Variants in PAM observed in about 807,000 individuals in gnomAD.
PAM encodes peptidyl-glycine alpha-amidating monooxygenase.
PAM carries 72 observed loss-of-function variants against 122.1 expected under a neutral mutation model. That is an observed-to-expected ratio of 0.59 (90% CI 0.49 to 0.72). PAM has a LOEUF of 0.72. Among genes scored for constraint, PAM ranks in the 30% least tolerant of loss-of-function variants. The pLI is 0.00. For synonymous variants in PAM, 389 were observed against 404.4 expected, an observed-to-expected ratio of 0.96 and a Z score of 0.46; for missense variants, 1,106 against 1,183.7, an observed-to-expected ratio of 0.93 and a Z score of 0.96.
intron 1 of PAM, among the ~76,000 whole-genome samples, chr5:102,862,680 G>A (rs1222255776): frequency 1.3e-5 from 2 of 152,160 alleles, no homozygotes; most frequent in African/African-American, 4.8e-5. Flanking sequence ...AACAATAATA[G>A]GGAATATTTA....
At chr5:103,002,463 A>C (rs1582779172) in intron 16 of PAM, among the ~76,000 whole-genome samples, 1 of 152,040 alleles carries the variant, frequency 6.6e-6, no homozygotes, top group South Asian at 2.1e-4. Context: ...TTTTGTCTCG[A>C]GGATAGATTC....
chr5:103,028,263 C>T, intron 25 of PAM, 25 bp downstream of exon 25: 1 of 1,523,328 alleles, frequency 6.6e-7, no homozygotes, highest in Non-Finnish European at 9.1e-7. Context: ...TTTTAGAACC[C>T]TTCATGTTTG....
chr5:102,973,611 C>G (rs925489360), intron 14 of PAM, among the ~76,000 whole-genome samples: 1 of 152,028 alleles, frequency 6.6e-6, no homozygotes, highest in Non-Finnish European at 1.5e-5. Flanking sequence ...TTTAGGTTTC[C>G]CAGTTGTCAA....
At position 102,974,334 on chromosome 5, in the gene PAM, T is replaced by C; in HGVS notation, c.1381T>C (p.Phe461Leu). The change falls in exon 15 of 26, where the codon TTC becomes CTC. Residue 461 changes from phenylalanine to leucine, a missense_variant. Physicochemically the swap from Phe to Leu is conservative, Grantham distance 22 (BLOSUM62 0). Transcript: ENST00000438793. The stretch of plus-strand genomic sequence containing the variant: ...TCTTGTCAGAGACAGAATTCACAAA[T>C]TCCACAGACTAGTATCTACCTTGAG... ...AILVRDRIHK[F>L]HRLVSTLRPP... The C allele has an allele frequency of 6.2e-7, 1 of 1,613,900 alleles. No homozygotes were observed. Among genetic ancestry groups the C allele is most frequent in the Non-Finnish European group, 8.5e-7 (1 of 1,179,806 alleles).
chr5:103,005,034 G>A (rs1387371050), intron 17 of PAM, 120 bp from the exon 18 acceptor site: 1 of 622,376 alleles, frequency 1.6e-6, no homozygotes, highest in Admixed American at 2.7e-5. Context: ...CTATAATAAT[G>A]CAAGTATACA....
At chr5:103,011,161 AC>A (rs1780492225) in intron 21 of PAM, among the ~76,000 whole-genome samples, 1 of 152,178 alleles carries the variant, frequency 6.6e-6, no homozygotes, top group Non-Finnish European at 1.5e-5. Flanking sequence ...TTTGAATATT[AC>A]CAAAAGGAAG....
At chr5:102,768,508 C>T (rs1044964549) in intron 1 of PAM, among the ~76,000 whole-genome samples, 2 of 152,250 alleles carry the variant, frequency 1.3e-5, no homozygotes, top group African/African-American at 4.8e-5. Context: ...ACTTCCCGGT[C>T]TCTGGTAACC....
chr5:102,984,763 AC>A (rs1486983574), intron 15 of PAM, among the ~76,000 whole-genome samples: 5 of 152,184 alleles, frequency 3.3e-5, no homozygotes, highest in Non-Finnish European at 7.4e-5. Context: ...ATTTTATCTA[AC>A]AGCTGGAGAA....
At chr5:102,981,790 A>G (rs1282662414) in intron 15 of PAM, among the ~76,000 whole-genome samples, 2 of 152,230 alleles carry the variant, frequency 1.3e-5, no homozygotes. Context: ...TGACAACTAC[A>G]TGAGAGAAGA....
At chr5:102,969,186 A>G (rs1160337349) in intron 14 of PAM, among the ~76,000 whole-genome samples, 1 of 152,016 alleles carries the variant, frequency 6.6e-6, no homozygotes, top group Admixed American at 6.6e-5. Context: ...GTGGATACCT[A>G]TGTAACAAAC....
chr5:103,002,844 C>A (rs1777806496), intron 16 of PAM, among the ~76,000 whole-genome samples, 189 bp from the exon 17 acceptor site: 1 of 152,118 alleles, frequency 6.6e-6, no homozygotes, highest in African/African-American at 2.4e-5. Flanking sequence ...CCACTGACCA[C>A]CCTGAGTAGC....
At chr5:102,968,881 C>T (rs188460064) in intron 14 of PAM, among the ~76,000 whole-genome samples, 11 of 152,258 alleles carry the variant, frequency 7.2e-5, no homozygotes, top group Middle Eastern at 3.4e-3. Context: ...AAATGTGGCA[C>T]ATATACACCA....
intron 1 of PAM, among the ~76,000 whole-genome samples, chr5:102,791,704 G>T (rs1041251214): frequency 5.3e-5 from 8 of 151,966 alleles, no homozygotes; most frequent in African/African-American, 1.9e-4. Flanking sequence ...ACTTTATTTG[G>T]GGTTTGTTTC....
chr5:102,856,607 T>A (rs554611724), intron 1 of PAM, among the ~76,000 whole-genome samples: 1 of 152,358 alleles, frequency 6.6e-6, no homozygotes, highest in South Asian at 2.1e-4. Context: ...ATATGTCTTG[T>A]TATTTTCCCC....
chr5:102,797,235 G>T (rs752214964), intron 1 of PAM, among the ~76,000 whole-genome samples: 5 of 152,066 alleles, frequency 3.3e-5, no homozygotes, highest in African/African-American at 9.7e-5. Context: ...CATGGAACTG[G>T]TTATTTTATG....
At chr5:102,938,410 A>G (rs1183840144) in intron 7 of PAM, among the ~76,000 whole-genome samples, 1 of 152,202 alleles carries the variant, frequency 6.6e-6, no homozygotes, top group African/African-American at 2.4e-5. Context: ...TTTTTAAAGA[A>G]TATATTCAGA....
intron 1 of PAM, among the ~76,000 whole-genome samples, chr5:102,758,841 G>A (rs1751455127): frequency 6.6e-6 from 1 of 152,008 alleles, no homozygotes; most frequent in South Asian, 2.1e-4. Context: ...GGGGGAGGGG[G>A]GAAGGAATGG....
At chr5:102,822,946 C>G (rs995326929) in intron 1 of PAM, among the ~76,000 whole-genome samples, 4 of 152,196 alleles carry the variant, frequency 2.6e-5, no homozygotes, top group Non-Finnish European at 5.9e-5. Context: ...CTCCCCCACC[C>G]TCTATGGCCA....
rs184707486 is a variant in PAM at position 102,762,860 on chromosome 5, C to T, written c.-374+7512C>T. Among the ~76,000 whole-genome samples, 8 of 152,136 alleles carry T rather than the reference C, an allele frequency of 5.3e-5. 1 individual carries two copies. Among genetic ancestry groups the T allele is most frequent in the Admixed American group, 3.9e-4 (6 of 15,278 alleles). ...ACTTAGCTATTACTGTATGCCTAATCGACCAGAGTGAAATGCCTTTAAAAC... is the reference window on the plus strand; with the variant it reads ...ACTTAGCTATTACTGTATGCCTAATTGACCAGAGTGAAATGCCTTTAAAAC... On this transcript the variant is annotated intron_variant, in intron 1 of 25. Coordinates refer to ENST00000438793, the MANE Select transcript of PAM (RefSeq NM_001177306.2).
Sources: allele counts gnomAD v4.1 joint callset (sites outside exome capture counted in the v4.1 genomes callset), GRCh38; gene constraint gnomAD v4.1.1; transcripts MANE v1.5; gene names NCBI Gene and HGNC (gene_info 2026-07-23, HGNC 2026-07-21).